SLC45A1: variants seen among roughly 807,000 people sequenced by gnomAD.
SLC45A1 encodes the protein solute carrier family 45 member 1.
Under a neutral mutation model 57.6 loss-of-function variants are expected in SLC45A1, and 28 were observed. The ratio of observed to expected loss-of-function variants is 0.49; its 90% CI spans 0.36 to 0.67. SLC45A1 has a LOEUF of 0.67. Among genes scored for constraint, SLC45A1 ranks in the 30% least tolerant of loss-of-function variants. The probability of loss-of-function intolerance (pLI) is 0.00; values close to 1 mark genes in which losing one functional copy is unlikely to be tolerated. For synonymous variants in SLC45A1, 459 were observed against 471.5 expected (o/e 0.97, Z 0.34); for missense variants, 814 against 1,041.5 (o/e 0.78, Z 3.01).
At chr1:8,320,747 G>A (rs888500669) in intron 1 of SLC45A1, among the ~76,000 whole-genome samples, 28 of 150,160 alleles carry the variant, frequency 1.9e-4, no homozygotes, top group African/African-American at 6.4e-4. Flanking sequence ...GCCATATGCT[G>A]TTTAAAGCTG....
chr1:8,324,150 A>G (rs1640119285), intron 1 of SLC45A1, among the ~76,000 whole-genome samples, 156 bp from the exon 2 acceptor site: 1 of 152,236 alleles, frequency 6.6e-6, no homozygotes, highest in Non-Finnish European at 1.5e-5. Flanking sequence ...GGAGCTGCAG[A>G]TGGGAAAGTG....
chr1:8,329,797 T>C (rs943444810), intron 4 of SLC45A1, among the ~76,000 whole-genome samples: 2 of 152,164 alleles, frequency 1.3e-5, no homozygotes, highest in Non-Finnish European at 2.9e-5. Flanking sequence ...AACACCCGCA[T>C]GCACACATGT....
intron 1 of SLC45A1, among the ~76,000 whole-genome samples, chr1:8,320,725 ACACACAC>A (rs1261317403): frequency 1.3e-3 from 166 of 123,748 alleles, no homozygotes; most frequent in African/African-American, 4.8e-3. Flanking sequence ...ACACACACAC[ACACACAC>A]ACCTGCCATA....
chr1:8,324,750 G>T, intron 2 of SLC45A1, 24 bp downstream of exon 2: 1 of 1,551,930 alleles, frequency 6.4e-7, no homozygotes. Context: ...CCTCCCCGAT[G>T]GTGGAGGGCC....
At position 8,330,814 on chromosome 1, in the gene SLC45A1, G is replaced by A. The variant is rs1355950784; in HGVS notation, c.1321G>A (p.Asp441Asn). Residue 441 changes from aspartate (D) to asparagine (N), a missense_variant, in exon 5 of 9, where the codon GAC (aspartate) becomes AAC (asparagine). Coordinates refer to ENST00000471889, the MANE Select transcript of SLC45A1 (RefSeq NM_001080397.3). This position sits in a 1 kb window ranked among gnomAD's most constrained non-coding sequence, Gnocchi z 8.4. ...DGDILRVGSL[D>N]TSKPRSSGIL... ...GGACATTCTGAGGGTGGGCTCCTTG[G>A]ACACCTCTAAGCCGAGGTCATCAGG... The A allele has an allele frequency of 6.2e-7, 1 of 1,613,508 alleles. No homozygotes were observed. The highest frequency in any genetic ancestry group is 8.5e-7 in the Non-Finnish European group (1 of 1,180,032).
In SLC45A1 at chr1:8,330,389, A is replaced by G; in HGVS notation, c.896A>G (p.Lys299Arg). The G allele has an allele frequency of 6.2e-7, 1 of 1,612,634 alleles. No individual in the cohort carries two copies. The highest frequency in any genetic ancestry group is 8.5e-7 in the Non-Finnish European group (1 of 1,179,842). ...PERPLRPPSEKRAAMKSPSLP... is the reference protein window; with the variant it reads ...PERPLRPPSERRAAMKSPSLP... ...AGGCCGCTGCGGCCGCCGAGTGAGA[A>G]GCGGGCAGCCATGAAGAGCCCCAGC... The change falls in exon 5 of 9, where the codon AAG becomes AGG. Residue 299 changes from lysine to arginine, a missense_variant. By Grantham distance (26) the Lys-to-Arg change is conservative. Coordinates refer to ENST00000471889, the MANE Select transcript of SLC45A1 (RefSeq NM_001080397.3). This position sits in a 1 kb window ranked among gnomAD's most constrained non-coding sequence, Gnocchi z 8.4.
chr1:8,320,708 C>T (rs984936186), intron 1 of SLC45A1, among the ~76,000 whole-genome samples: 1 of 147,990 alleles, frequency 6.8e-6, no homozygotes, highest in African/African-American at 2.6e-5. Context: ...CACACACACA[C>T]ACACACACAC....
At position 8,320,862 on chromosome 1, in the gene SLC45A1, G is replaced by A. The variant is rs80304343; in HGVS notation, c.-25+2676G>A. On this transcript the variant is annotated intron_variant, in intron 1 of 8. Coordinates refer to ENST00000471889, the MANE Select transcript of SLC45A1 (RefSeq NM_001080397.3). Reference sequence around the variant, plus strand: ...GTTAAAATGCTGATTAGAAAGAGTGGGAGATATGCCTGTGTGCCTGCAGGT... The same window carrying A: ...GTTAAAATGCTGATTAGAAAGAGTGAGAGATATGCCTGTGTGCCTGCAGGT... 6.3e-3 allele frequency among the ~76,000 whole-genome samples: 962 copies of A among 152,240 alleles called. 6 individuals carry two copies. The highest frequency in any genetic ancestry group is 0.022 in the African/African-American group (895 of 41,546).
chr1:8,322,195 A>G (rs1441242847), intron 1 of SLC45A1, among the ~76,000 whole-genome samples: 1 of 101,770 alleles, frequency 9.8e-6, no homozygotes, highest in African/African-American at 4.0e-5. Context: ...GGATGGATGG[A>G]TGAGTGGGTG....
At chr1:8,342,636 A>G (rs1346651780) in intron 8 of SLC45A1, among the ~76,000 whole-genome samples, 3 of 152,082 alleles carry the variant, frequency 2.0e-5, no homozygotes. Flanking sequence ...TAATGTTCCC[A>G]CCATAATTTT....
intron 5 of SLC45A1, among the ~76,000 whole-genome samples, chr1:8,333,802 G>A (rs1386109063): frequency 2.6e-5 from 4 of 152,218 alleles, no homozygotes; most frequent in African/African-American, 9.6e-5. Context: ...TGTGGCCGGG[G>A]TGTCTTCACG....
Position 8,343,713 on chromosome 1 carries a change from G to A in SLC45A1, c.1981-34G>A, listed in dbSNP as rs371963242. 273 of 1,586,788 alleles carry A rather than the reference G, an allele frequency of 1.7e-4. No individual in the cohort carries two copies. Among genetic ancestry groups the A allele is most frequent in the Non-Finnish European group, 2.1e-4 (245 of 1,161,602 alleles). On this transcript the variant is annotated intron_variant, in intron 8 of 8. Transcript: ENST00000471889. The surrounding 1 kb of genome is among the most constrained non-coding windows in gnomAD (Gnocchi z 7.7). The stretch of plus-strand genomic sequence containing the variant: ...TCGGTCACCCCGTGCTGGCCGCGGC[G>A]TGTCTCGCTGACACGTTTCTTCCTC...
chr1:8,338,326 C>T (rs909276074), intron 7 of SLC45A1, among the ~76,000 whole-genome samples: 1 of 152,256 alleles, frequency 6.6e-6, no homozygotes, highest in Non-Finnish European at 1.5e-5. Context: ...GTCCACCAGC[C>T]CCCAGCTCCT....
intron 1 of SLC45A1, among the ~76,000 whole-genome samples, chr1:8,321,899 G>T (rs539764969): frequency 1.0e-3 from 150 of 148,982 alleles, no homozygotes; most frequent in African/African-American, 3.5e-3. Flanking sequence ...GCATGGATGG[G>T]TGGGTGGATG....
Position 8,324,458 on chromosome 1 carries a change from C to T in SLC45A1, c.129C>T (p.Ala43=), listed in dbSNP as rs1374957370. 3 of 1,612,860 alleles carry T rather than the reference C, an allele frequency of 1.9e-6. No homozygotes were observed. Among genetic ancestry groups the T allele is most frequent in the Non-Finnish European group, 2.5e-6 (3 of 1,179,996 alleles). The change falls in exon 2 of 9, where the codon GCC becomes GCT. Residue 43 remains alanine, a synonymous_variant. Coordinates refer to ENST00000471889, the MANE Select transcript of SLC45A1 (RefSeq NM_001080397.3). Reference sequence around the variant, plus strand: ...TGACACGACACCTCAGTCACCGGGCCAACAACTTCAAACGACACCCCAAGA... The same window carrying T: ...TGACACGACACCTCAGTCACCGGGCTAACAACTTCAAACGACACCCCAAGA... ...GSVTRHLSHR[A]NNFKRHPKRR...
rs74569858 is a variant in SLC45A1, at chr1:8,322,404, A to G, written c.-24-1902A>G. On this transcript the variant is annotated intron_variant, in intron 1 of 8. Coordinates refer to ENST00000471889, the MANE Select transcript of SLC45A1 (RefSeq NM_001080397.3). ...GATGAGTGGGTGAGTGGATGGATGC[A>G]TGGATAGTTGGGTGGGTAGATGGAT... is the stretch of plus-strand genomic sequence containing the variant. Among the ~76,000 whole-genome samples, 318 of 147,362 alleles carry G rather than the reference A, an allele frequency of 2.2e-3. 1 individual carries two copies. The highest frequency in any genetic ancestry group is 8.0e-3 in the South Asian group (35 of 4,372).
rs1233299393 is a variant in SLC45A1 at position 8,343,760 on chromosome 1, G to T, written c.1994G>T (p.Ser665Ile). The T allele has an allele frequency of 4.3e-6, 7 of 1,613,206 alleles. No homozygotes were observed. In the Admixed American group the frequency reaches 1.2e-4, roughly 27 times the overall value. Residue 665 changes from serine (S) to isoleucine (I), a missense_variant, in exon 9 of 9, where the codon AGT (serine) becomes ATT (isoleucine). By Grantham distance (142) the Ser-to-Ile change is moderately radical. Coordinates refer to ENST00000471889, the MANE Select transcript of SLC45A1 (RefSeq NM_001080397.3). The surrounding 1 kb of genome is among the most constrained non-coding windows in gnomAD (Gnocchi z 7.7). ...CCTCTGGGTCAGTTTGCAGGGTCCA[G>T]TGCGGACGGCACCCGGCGGGGCATG... Reference protein sequence around the residue: ...YYQSKKFAGSSADGTRRGMGV... With the variant: ...YYQSKKFAGSIADGTRRGMGV...
At position 8,343,776 on chromosome 1, in the gene SLC45A1, G is replaced by A; in HGVS notation, c.2010G>A (p.Arg670=). 1 of 1,613,758 alleles carries A rather than the reference G, an allele frequency of 6.2e-7. No individual in the cohort carries two copies. Among genetic ancestry groups the A allele is most frequent in the Non-Finnish European group, 8.5e-7 (1 of 1,179,768 alleles). Residue 670 remains arginine, a synonymous_variant, in exon 9 of 9, where the codon CGG becomes CGA. Coordinates refer to ENST00000471889, the MANE Select transcript of SLC45A1 (RefSeq NM_001080397.3). This position sits in a 1 kb window ranked among gnomAD's most constrained non-coding sequence, Gnocchi z 7.7. ...KFAGSSADGT[R]RGMGVDISLL... is the part of the protein sequence containing the mutation. ...CAGGGTCCAGTGCGGACGGCACCCG[G>A]CGGGGCATGGGCGTGGACATCTCTC...
chr1:8,339,460 T>G, intron 7 of SLC45A1, 33 bp from the exon 8 acceptor site: 1 of 1,609,756 alleles, frequency 6.2e-7, no homozygotes, highest in Non-Finnish European at 8.5e-7. Flanking sequence ...GCTCTGGCCG[T>G]GTGGCACTGC....
Sources: allele counts gnomAD v4.1 joint callset (sites outside exome capture counted in the v4.1 genomes callset), GRCh38; gene constraint gnomAD v4.1.1; non-coding constraint Gnocchi (gnomAD v3.1); transcripts MANE v1.5; gene names NCBI Gene and HGNC (gene_info 2026-07-23, HGNC 2026-07-21).